The following MEMO1 variants were observed in gnomAD, a reference collection of about 807,000 sequenced individuals.
The protein encoded by MEMO1 is mediator of cell motility 1.
In MEMO1, 6 loss-of-function variants were observed where a neutral mutation model predicts 45.2. The observed-to-expected ratio is 0.13, with a 90% CI of 0.07 to 0.26. The LOEUF (loss-of-function observed/expected upper bound fraction) is 0.26. Among genes scored for constraint, MEMO1 ranks in the 10% least tolerant of loss-of-function variants. The probability of loss-of-function intolerance (pLI) is 1.00; values close to 1 mark genes in which losing one functional copy is unlikely to be tolerated. For missense variants in MEMO1, 184 were observed against 370.5 expected, an observed-to-expected ratio of 0.50 and a Z score of 4.13; for synonymous variants, 78 against 124.3, an observed-to-expected ratio of 0.63 and a Z score of 2.48.
chr2:31,945,072 T>C (rs1313341962), intron 2 of MEMO1, among the ~76,000 whole-genome samples: 1 of 152,198 alleles, frequency 6.6e-6, no homozygotes, highest in Non-Finnish European at 1.5e-5. Flanking sequence ...TTTCACTGTA[T>C]ATGTATCAAT....
At chr2:31,942,472 C>A (rs35178826) in intron 3 of MEMO1, among the ~76,000 whole-genome samples, 2 of 151,942 alleles carry the variant, frequency 1.3e-5, no homozygotes, top group African/African-American at 4.8e-5. Context: ...AAATACATTT[C>A]GAAATTACTC....
At chr2:31,989,508 T>G (rs567341397) in intron 2 of MEMO1, among the ~76,000 whole-genome samples, 2 of 152,166 alleles carry the variant, frequency 1.3e-5, no homozygotes, top group Non-Finnish European at 2.9e-5. Flanking sequence ...GACTAATGCA[T>G]GATGTTTGAA....
intron 2 of MEMO1, among the ~76,000 whole-genome samples, chr2:31,981,633 A>G (rs1670648415): frequency 6.6e-6 from 1 of 152,232 alleles, no homozygotes; most frequent in Admixed American, 6.5e-5. Context: ...ATTTTAGTTA[A>G]TACAAGGGAA....
chr2:31,912,250 C>T (rs931791812), intron 6 of MEMO1, among the ~76,000 whole-genome samples: 11 of 151,976 alleles, frequency 7.2e-5, no homozygotes, highest in Non-Finnish European at 1.3e-4. Flanking sequence ...GCAGGAGAAT[C>T]GCTTGAACCT....
chr2:31,963,311 T>C (rs1668242111), intron 2 of MEMO1: 1 of 1,451,792 alleles, frequency 6.9e-7, no homozygotes, highest in Non-Finnish European at 9.2e-7. Flanking sequence ...TACAGATAGA[T>C]ATAGATACAA....
chr2:31,916,859 A>G (rs777567130), intron 6 of MEMO1, among the ~76,000 whole-genome samples: 10 of 152,216 alleles, frequency 6.6e-5, no homozygotes, highest in Admixed American at 1.3e-4. Flanking sequence ...TTAGAGTGGA[A>G]AACAATCCAA....
At chr2:31,902,356 C>T (rs1678984559) in intron 6 of MEMO1, among the ~76,000 whole-genome samples, 1 of 151,988 alleles carries the variant, frequency 6.6e-6, no homozygotes, top group African/African-American at 2.4e-5. Context: ...CGAGATCATG[C>T]CACTGCACTC....
intron 8 of MEMO1, among the ~76,000 whole-genome samples, chr2:31,882,379 C>T (rs1226571981): frequency 6.6e-6 from 1 of 151,586 alleles, no homozygotes; most frequent in Non-Finnish European, 1.5e-5. Context: ...AAATGCAAAT[C>T]AAAACAAAAA....
rs895063466 is a variant in MEMO1, at chr2:31,923,623, AG to A, written c.213-2714del. On this transcript the variant is annotated intron_variant, in intron 4 of 9. Transcript: ENST00000404530. ...ATGTTTAGGTAGCCTGACTAGGGCC[AG>A]GTAGTATATGAACCAAGAATCAAAT... The A allele has an allele frequency of 3.4e-5, 53 of 1,543,000 alleles. No homozygotes were observed. The African/African-American group carries it at 6.9e-4, about 20-fold the overall frequency.
intron 7 of MEMO1, among the ~76,000 whole-genome samples, chr2:31,891,008 C>G (rs1173204210): frequency 6.6e-6 from 1 of 152,134 alleles, no homozygotes; most frequent in Non-Finnish European, 1.5e-5. Flanking sequence ...GAGATAGAAG[C>G]AAGAGAAGAC....
At position 31,920,873 on chromosome 2, in the gene MEMO1, G is replaced by C; in HGVS notation, c.250C>G (p.Pro84Ala). The C allele has an allele frequency of 6.2e-7, 1 of 1,612,314 alleles. No homozygotes were observed. The highest frequency in any genetic ancestry group is 8.5e-7 in the Non-Finnish European group (1 of 1,179,128). Reference protein sequence around the residue: ...IFILGPSHHVPLSRCALSSVD... With the variant: ...IFILGPSHHVALSRCALSSVD... ...CTGGAAAGTGCACATCGAGAGAGGG[G>C]CACATGATGAGAAGGCCCAAGGATG... The change falls in exon 5 of 10, where the codon CCC (proline) becomes GCC (alanine). Residue 84 changes from proline (P) to alanine (A), a missense_variant. Coordinates refer to ENST00000404530, the MANE Select transcript of MEMO1 (RefSeq NM_001301833.4).
In MEMO1 at chr2:31,984,052, C is replaced by CA. The variant is rs1287957290; in HGVS notation, c.61+26134dup. ...AAGTTGAGTGGGGGAGGGGCAGAGA[C>CA]AAATCTTCCTTAGAGAAGAACTCAA... On this transcript the variant is annotated intron_variant, in intron 2 of 9. Coordinates refer to ENST00000404530, the MANE Select transcript of MEMO1 (RefSeq NM_001301833.4). Among the ~76,000 whole-genome samples the CA allele has an allele frequency of 2.6e-5, 4 of 152,256 alleles. No individual in the cohort carries two copies. The East Asian group carries it at 7.7e-4, about 29-fold the overall frequency.
intron 2 of MEMO1, among the ~76,000 whole-genome samples, chr2:31,954,191 T>C (rs1414536069): frequency 3.3e-5 from 5 of 152,222 alleles, no homozygotes; most frequent in Non-Finnish European, 7.3e-5. Context: ...TGCTGCACTA[T>C]GGTGTTATTT....
intron 5 of MEMO1, 33 bp from the exon 6 acceptor site, chr2:31,918,070 A>G (rs774884953): frequency 4.4e-5 from 63 of 1,440,740 alleles, no homozygotes; most frequent in Non-Finnish European, 6.0e-5. Context: ...TAAAATAAAT[A>G]TATTAATGTA....
At chr2:31,925,499 A>T in intron 4 of MEMO1, among the ~76,000 whole-genome samples, 1 of 149,488 alleles carries the variant, frequency 6.7e-6, no homozygotes, top group Admixed American at 6.7e-5. Flanking sequence ...AAAAAAAAAA[A>T]TCTGTTCCCG....
chr2:31,964,625 T>A (rs1163309414), intron 2 of MEMO1, among the ~76,000 whole-genome samples: 2 of 152,034 alleles, frequency 1.3e-5, no homozygotes, highest in Non-Finnish European at 2.9e-5. Flanking sequence ...CACTTGCACC[T>A]GGGAGGCGGA....
intron 2 of MEMO1, chr2:31,963,067 T>A: frequency 7.4e-7 from 1 of 1,354,892 alleles, no homozygotes; most frequent in Non-Finnish European, 9.7e-7. Context: ...CAAACTGAAA[T>A]ACTGGCTCTT....
intron 2 of MEMO1, among the ~76,000 whole-genome samples, chr2:31,973,638 A>T (rs1669669329): frequency 6.6e-6 from 1 of 152,238 alleles, no homozygotes. Context: ...TCAGTCATAA[A>T]AAAGAATGAA....
At chr2:31,960,103 A>T (rs1667840059) in intron 2 of MEMO1, among the ~76,000 whole-genome samples, 1 of 152,062 alleles carries the variant, frequency 6.6e-6, no homozygotes, top group South Asian at 2.1e-4. Context: ...AGGCTGAGGC[A>T]TGAGAACTGC....
Sources: gnomAD v4.1 joint callset for allele counts (sites outside exome capture counted in the v4.1 genomes callset) on GRCh38, gnomAD v4.1.1 for gene constraint, MANE v1.5 for transcripts, NCBI Gene and HGNC (gene_info 2026-07-23, HGNC 2026-07-21) for gene names.